Variants in CNOT3 observed in about 807,000 individuals in gnomAD.
CNOT3 encodes CCR4-NOT transcription complex subunit 3.
Under a neutral mutation model 89.4 loss-of-function variants are expected in CNOT3, and 2 were observed. The observed-to-expected ratio is 0.02, with a 90% CI of 0.01 to 0.07. The LOEUF (loss-of-function observed/expected upper bound fraction) is 0.07, where lower values mean the gene tolerates loss of function less well. Among genes scored for constraint, CNOT3 ranks in the 10% least tolerant of loss-of-function variants. The pLI is 1.00. For synonymous variants in CNOT3, 486 were observed against 402.0 expected (o/e 1.21, Z -2.50); for missense variants, 664 against 1,010.2 (o/e 0.66, Z 4.65).
chr19:54,152,757 C>T (rs2075193417), intron 15 of CNOT3, 110 bp from the exon 16 acceptor site: 1 of 911,446 alleles, frequency 1.1e-6, no homozygotes, highest in Non-Finnish European at 1.8e-6. Flanking sequence ...TCAGCACCGC[C>T]CTGGGTCTTT....
At position 54,144,283 on chromosome 19, in the gene CNOT3, A is replaced by G; in HGVS notation, c.434A>G (p.Glu145Gly). 2 of 1,614,098 alleles carry G rather than the reference A, an allele frequency of 1.2e-6. No individual in the cohort carries two copies. Among genetic ancestry groups the G allele is most frequent in the Non-Finnish European group, 1.7e-6 (2 of 1,179,984 alleles). The change falls in exon 7 of 18, where the codon GAA becomes GGA. Residue 145 changes from glutamate to glycine, a missense_variant. Transcript: ENST00000221232. The surrounding 1 kb of genome is among the most constrained non-coding windows in gnomAD (Gnocchi z 4.8). ...LNMQVDQFES[E>G]VESLSVQTRK... ...ATGCAGGTGGACCAGTTTGAGAGTG[A>G]AGTGGAGTCACTGTCAGTGCAGACA...
chr19:54,152,545 C>G lies in CNOT3; in HGVS notation c.1823C>G (p.Thr608Ser), dbSNP rs761369615. Residue 608 changes from threonine (T) to serine (S), a missense_variant, in exon 15 of 18, where the codon ACC becomes AGC. Thr to Ser is a moderately conservative substitution (Grantham distance 58). Coordinates refer to ENST00000221232, the MANE Select transcript of CNOT3 (RefSeq NM_014516.4). ...TGTCCACTGGGCCCTGTGCCCCTCA[C>G]CAAGGAGCAGCTCTATCAGCAGGCC... Reference protein sequence around the residue: ...GVCPLGPVPLTKEQLYQQAME... With the variant: ...GVCPLGPVPLSKEQLYQQAME... 6.2e-7 allele frequency: 1 copy of G among 1,614,146 alleles called. No homozygotes were observed.
intron 5 of CNOT3, 28 bp from the exon 6 acceptor site, chr19:54,143,978 G>T (rs778777245): frequency 6.3e-7 from 1 of 1,584,196 alleles, no homozygotes; most frequent in Non-Finnish European, 8.5e-7. Context: ...ACCTTTGAGA[G>T]CCCCCCTGCC....
At position 54,148,821 on chromosome 19, in the gene CNOT3, C is replaced by A; in HGVS notation, c.1406+78C>A. 1 of 1,450,604 alleles carries A rather than the reference C, an allele frequency of 6.9e-7. No individual in the cohort carries two copies. The highest frequency in any genetic ancestry group is 9.4e-7 in the Non-Finnish European group (1 of 1,067,194). The allele number at this position is 1,450,604 out of a possible 1,614,324, so 89.9% of individuals were successfully genotyped here. On this transcript the variant is annotated intron_variant, in intron 12 of 17. Transcript: ENST00000221232. The surrounding 1 kb of genome is among the most constrained non-coding windows in gnomAD (Gnocchi z 6.3). ...AGGCGCAGGCGCCTCACCCCCGCAT[C>A]GGTGGGTTCTGAACCCCCCGCCCTT...
rs1338074095 is a variant in CNOT3 at position 54,146,120 on chromosome 19, A to G, written c.837+77A>G. Reference sequence around the variant, plus strand: ...GAGGAGACAAATCTGGGTCACTCCAAAGTGGCTATGGGAGCGTAATTGAGG... The same window carrying G: ...GAGGAGACAAATCTGGGTCACTCCAGAGTGGCTATGGGAGCGTAATTGAGG... On this transcript the variant is annotated intron_variant, in intron 9 of 17. Transcript: ENST00000221232. The G allele has an allele frequency of 1.4e-5, 21 of 1,545,902 alleles. No individual in the cohort carries two copies. In the South Asian group the frequency reaches 2.0e-4, roughly 14 times the overall value.
At chr19:54,151,094 A>AT (rs1469238254) in intron 13 of CNOT3, among the ~76,000 whole-genome samples, 1 of 152,160 alleles carries the variant, frequency 6.6e-6, no homozygotes, top group African/African-American at 2.4e-5. Flanking sequence ...CCCGGCCCAA[A>AT]TTTTAGAAGT....
At chr19:54,153,119 C>A in intron 16 of CNOT3, 120 bp downstream of exon 16, 2 of 810,574 alleles carry the variant, frequency 2.5e-6, no homozygotes, top group Non-Finnish European at 4.4e-6. Flanking sequence ...ACCGCACCCC[C>A]TCCCTATTCC....
chr19:54,146,478 A>G (rs1205290957), intron 9 of CNOT3, 123 bp from the exon 10 acceptor site: 3 of 720,248 alleles, frequency 4.2e-6, no homozygotes, highest in Non-Finnish European at 7.7e-6. Flanking sequence ...CAGCCATTTG[A>G]CCAGCTCTGG....
At chr19:54,146,286 G>A (rs62144175) in intron 9 of CNOT3, among the ~76,000 whole-genome samples, 4,731 of 152,278 alleles carry the variant, frequency 0.031, 109 homozygotes, top group Middle Eastern at 0.068. Flanking sequence ...GGGAGGGGCC[G>A]GTGCCTGGGC....
intron 5 of CNOT3, 108 bp from the exon 6 acceptor site, chr19:54,143,898 C>CA: frequency 6.6e-7 from 1 of 1,516,056 alleles, no homozygotes; most frequent in South Asian, 1.2e-5. Flanking sequence ...GCAGCGGACT[C>CA]AGAGCTCAGA....
At chr19:54,149,854 C>T in intron 13 of CNOT3, 96 bp downstream of exon 13, 1 of 1,178,462 alleles carries the variant, frequency 8.5e-7, no homozygotes, top group Non-Finnish European at 1.1e-6. Context: ...CACCCTCTTT[C>T]TGGATCTCTC....
chr19:54,152,605 C>G lies in CNOT3; in HGVS notation c.1883C>G (p.Pro628Arg). The G allele has an allele frequency of 6.2e-7, 1 of 1,613,384 alleles. No individual in the cohort carries two copies. Among genetic ancestry groups the G allele is most frequent in the Non-Finnish European group, 8.5e-7 (1 of 1,179,676 alleles). Residue 628 changes from proline (P) to arginine (R), a missense_variant, in exon 15 of 18, where the codon CCC (proline) becomes CGC (arginine). By Grantham distance (103) the Pro-to-Arg change is moderately radical. Coordinates refer to ENST00000221232, the MANE Select transcript of CNOT3 (RefSeq NM_014516.4). ...GCCGCCTGGCACCACATGCCTCACC[C>G]CTCTGACTCTGAGCGTATTCGGTGA... ...EEAAWHHMPH[P>R]SDSERIRQYL...
At chr19:54,140,885 G>C (rs1266276439) in intron 1 of CNOT3, among the ~76,000 whole-genome samples, 1 of 152,204 alleles carries the variant, frequency 6.6e-6, no homozygotes, top group Admixed American at 6.5e-5. Context: ...TCCGTGTGGA[G>C]ACACAGGGAG....
rs1290973216 is a variant in CNOT3, at chr19:54,138,259, C to CCCG, written c.-51+275_-51+277dup. Among the ~76,000 whole-genome samples the CCCG allele has an allele frequency of 1.3e-4, 20 of 152,210 alleles. No homozygotes were observed. The East Asian group carries it at 2.5e-3, about 19-fold the overall frequency. On this transcript the variant is annotated intron_variant, in intron 1 of 17. Coordinates refer to ENST00000221232, the MANE Select transcript of CNOT3 (RefSeq NM_014516.4). ...TCCGCGACCCGGACCCCGGGCCCCG[C>CCCG]CCGCCGCCGCCTCCCCGCGTGGCAT...
At position 54,148,208 on chromosome 19, in the gene CNOT3, G is replaced by C. The variant is rs747278028; in HGVS notation, c.955G>C (p.Val319Leu). ...CAACCAGCACCCTCAGTCCCCAGCT[G>C]TGCCGCCCACCTACCCCTCCGGCCC... ...HSNQHPQSPA[V>L]PPTYPSGPPP... Residue 319 changes from valine to leucine, a missense_variant, in exon 11 of 18, where the codon GTG becomes CTG. Coordinates refer to ENST00000221232, the MANE Select transcript of CNOT3 (RefSeq NM_014516.4). The surrounding 1 kb of genome is among the most constrained non-coding windows in gnomAD (Gnocchi z 6.3). 6.3e-7 allele frequency: 1 copy of C among 1,588,824 alleles called. No individual in the cohort carries two copies. The highest frequency in any genetic ancestry group is 8.6e-7 in the Non-Finnish European group (1 of 1,167,838).
Position 54,143,174 on chromosome 19 carries a change from T to C in CNOT3, c.81T>C (p.Asp27=). 6.8e-6 allele frequency: 11 copies of C among 1,613,794 alleles called. No individual in the cohort carries two copies. The highest frequency in any genetic ancestry group is 9.3e-6 in the Non-Finnish European group (11 of 1,179,888). The change falls in exon 3 of 18, where the codon GAT becomes GAC. Residue 27 remains aspartate (D), a synonymous_variant. Transcript: ENST00000221232. ...KVSEGVEQFE[D]IWQKLHNAAN... Reference sequence around the variant, plus strand: ...CCGAGGGCGTGGAGCAGTTTGAAGATATTTGGCAGAAGGTACAGGGGCTGA... The same window carrying C: ...CCGAGGGCGTGGAGCAGTTTGAAGACATTTGGCAGAAGGTACAGGGGCTGA...
Position 54,149,746 on chromosome 19 carries a change from C to T in CNOT3, c.1593C>T (p.Ala531=). ...LLNGPPQFST[A]PEIKAPEPLS... ...ATGGGCCTCCACAGTTCAGCACCGC[C>T]CCAGAAATCAAGGTGGGCTCCTCGG... Residue 531 remains alanine, a synonymous_variant, in exon 13 of 18, where the codon GCC becomes GCT. Coordinates refer to ENST00000221232, the MANE Select transcript of CNOT3 (RefSeq NM_014516.4). 1.2e-6 allele frequency: 2 copies of T among 1,608,552 alleles called. No homozygotes were observed. The highest frequency in any genetic ancestry group is 1.7e-6 in the Non-Finnish European group (2 of 1,176,710).
chr19:54,155,330 T>C lies in CNOT3; in HGVS notation c.2185T>C (p.Tyr729His). 1 of 1,613,304 alleles carries C rather than the reference T, an allele frequency of 6.2e-7. No homozygotes were observed. Among genetic ancestry groups the C allele is most frequent in the Non-Finnish European group, 8.5e-7 (1 of 1,179,462 alleles). The change falls in exon 18 of 18, where the codon TAC becomes CAC. Residue 729 changes from tyrosine to histidine, a missense_variant. Physicochemically the swap from Tyr to His is moderately conservative, Grantham distance 83 (BLOSUM62 2). Transcript: ENST00000221232. Reference protein sequence around the residue: ...FEQGTYIYFDYEKWGQRKKEG... With the variant: ...FEQGTYIYFDHEKWGQRKKEG... ...CCAGGGCACCTACATCTACTTTGACTACGAGAAGTGGGGCCAGCGGAAGAA... is the reference window on the plus strand; with the variant it reads ...CCAGGGCACCTACATCTACTTTGACCACGAGAAGTGGGGCCAGCGGAAGAA...
chr19:54,148,260 C>T lies in CNOT3; in HGVS notation c.1007C>T (p.Thr336Ile), dbSNP rs759407723. ...GPPPAASALSTTPGNNGVPAP... is the reference protein window; with the variant it reads ...GPPPAASALSITPGNNGVPAP... ...CCGCCTGCTGCCTCTGCCTTGAGCA[C>T]CACTCCTGGCAACAATGGGGTCCCC... Residue 336 changes from threonine (T) to isoleucine (I), a missense_variant, in exon 11 of 18, where the codon ACC (threonine) becomes ATC (isoleucine). By Grantham distance (89) the Thr-to-Ile change is moderately conservative. This residue lies in a region of CNOT3 where 545 missense variants were observed against 566.2 expected (regional missense o/e 0.96). Coordinates refer to ENST00000221232, the MANE Select transcript of CNOT3 (RefSeq NM_014516.4). This position sits in a 1 kb window ranked among gnomAD's most constrained non-coding sequence, Gnocchi z 6.3. 1.2e-5 allele frequency: 20 copies of T among 1,606,302 alleles called. No homozygotes were observed. Among genetic ancestry groups the T allele is most frequent in the Non-Finnish European group, 1.7e-5 (20 of 1,175,680 alleles).
Sources: gnomAD v4.1 joint callset for allele counts (sites outside exome capture counted in the v4.1 genomes callset) on GRCh38, gnomAD v4.1.1 for gene constraint, gnomAD v4.1.1 regional missense constraint, Gnocchi (gnomAD v3.1) non-coding constraint, MANE v1.5 for transcripts, NCBI Gene and HGNC (gene_info 2026-07-23, HGNC 2026-07-21) for gene names.